The following PDE11A variants were observed in gnomAD, a reference collection of about 807,000 sequenced individuals.
The protein encoded by PDE11A is phosphodiesterase 11A, also known as dual 3',5'-cyclic-AMP and -GMP phosphodiesterase 11A.
PDE11A carries 100 observed loss-of-function variants against 100.5 expected under a neutral mutation model. That is an observed-to-expected ratio of 1.00 (90% CI 0.85 to 1.18). PDE11A has a LOEUF of 1.18. PDE11A is among the 50% of genes most tolerant of loss of function. PDE11A has a pLI of 0.00. For synonymous variants in PDE11A, 381 were observed against 420.8 expected (o/e 0.91, Z 1.16); for missense variants, 1,141 against 1,152.6 (o/e 0.99, Z 0.15).
chr2:177,855,723 G>A (rs1350335817), intron 5 of PDE11A, among the ~76,000 whole-genome samples: 1 of 151,836 alleles, frequency 6.6e-6, no homozygotes, highest in African/African-American at 2.4e-5. Context: ...TTACCCCCAG[G>A]GATATTTGTG....
intron 2 of PDE11A, among the ~76,000 whole-genome samples, chr2:177,968,907 C>T (rs2085732444): frequency 6.6e-6 from 1 of 152,198 alleles, no homozygotes; most frequent in South Asian, 2.1e-4. Context: ...ATCTGGCAAT[C>T]CCATTACTGG....
At chr2:177,922,184 G>T (rs934186387) in intron 2 of PDE11A, among the ~76,000 whole-genome samples, 2 of 152,106 alleles carry the variant, frequency 1.3e-5, no homozygotes, top group East Asian at 1.9e-4. Context: ...ACCTCTGCAT[G>T]CATGACTCTC....
At chr2:177,670,994 C>A (rs549165543) in intron 17 of PDE11A, among the ~76,000 whole-genome samples, 7 of 152,130 alleles carry the variant, frequency 4.6e-5, no homozygotes, top group Non-Finnish European at 8.8e-5. Context: ...CTCCTGCTAC[C>A]CTGCATTTCA....
At chr2:178,096,169 C>CTTTTTTT (rs71010857) in intron 2 of PDE11A, among the ~76,000 whole-genome samples, 4 of 120,090 alleles carry the variant, frequency 3.3e-5, no homozygotes, top group African/African-American at 6.5e-5. Context: ...CTTTTCTTTT[C>CTTTTTTT]TTTTTTTTTT....
chr2:177,738,160 C>T (rs1392894763), intron 10 of PDE11A, among the ~76,000 whole-genome samples: 1 of 152,034 alleles, frequency 6.6e-6, no homozygotes, highest in Non-Finnish European at 1.5e-5. Flanking sequence ...ATCAGTGGGG[C>T]AGTTTTTAGT....
At chr2:178,085,161 G>C (rs999587098) in intron 2 of PDE11A, among the ~76,000 whole-genome samples, 5 of 152,162 alleles carry the variant, frequency 3.3e-5, no homozygotes, top group African/African-American at 1.2e-4. Context: ...ACTATAGCAA[G>C]TCAACATACA....
At chr2:177,906,164 C>G (rs1265608559) in intron 2 of PDE11A, among the ~76,000 whole-genome samples, 1 of 144,436 alleles carries the variant, frequency 6.9e-6, no homozygotes, top group Non-Finnish European at 1.5e-5. Flanking sequence ...CTGTCTCTCT[C>G]TCACACACAC....
intron 19 of PDE11A, among the ~76,000 whole-genome samples, chr2:177,656,234 T>A (rs2105467179): frequency 6.6e-6 from 1 of 152,324 alleles, no homozygotes; most frequent in Admixed American, 6.5e-5. Flanking sequence ...GATTATAATA[T>A]CATATTTCTA....
intron 10 of PDE11A, among the ~76,000 whole-genome samples, chr2:177,730,408 T>G (rs1006550746): frequency 6.6e-6 from 1 of 152,192 alleles, no homozygotes; most frequent in Non-Finnish European, 1.5e-5. Flanking sequence ...TCTTTGAAGA[T>G]CTCTTCCTCT....
chr2:177,744,663 T>C (rs758591998), intron 10 of PDE11A, among the ~76,000 whole-genome samples: 107 of 152,298 alleles, frequency 7.0e-4, no homozygotes, highest in Non-Finnish European at 1.3e-3. Context: ...CTTTCCTACA[T>C]GTGAGAGGAT....
At chr2:177,709,189 C>A (rs17400512) in intron 13 of PDE11A, among the ~76,000 whole-genome samples, 25,754 of 152,180 alleles carry the variant, frequency 0.17, 2,357 homozygotes, top group Middle Eastern at 0.27. Context: ...AGCTAAGGAA[C>A]TGGAACACTA....
At chr2:178,005,181 G>A (rs2086191511) in intron 2 of PDE11A, among the ~76,000 whole-genome samples, 1 of 151,626 alleles carries the variant, frequency 6.6e-6, no homozygotes, top group African/African-American at 2.4e-5. Flanking sequence ...AGATTCTGTT[G>A]AAGAGTCAGT....
intron 6 of PDE11A, among the ~76,000 whole-genome samples, chr2:177,833,879 G>A (rs891798391): frequency 1.8e-4 from 28 of 152,356 alleles, no homozygotes; most frequent in African/African-American, 6.3e-4. Context: ...TACACCAGAT[G>A]TTTTGTGCAG....
intron 10 of PDE11A, among the ~76,000 whole-genome samples, chr2:177,733,592 T>TGGTA (rs1370517829): frequency 6.6e-6 from 1 of 152,136 alleles, no homozygotes; most frequent in Non-Finnish European, 1.5e-5. Context: ...ACAAAGTGGG[T>TGGTA]GGTAGTCCAG....
intron 2 of PDE11A, among the ~76,000 whole-genome samples, chr2:178,009,121 G>A (rs1054940880): frequency 3.3e-5 from 5 of 152,122 alleles, no homozygotes; most frequent in Admixed American, 6.5e-5. Context: ...TTATGCTGGC[G>A]TGCCCACACA....
chr2:177,664,115 A>G (rs917065187), intron 18 of PDE11A, among the ~76,000 whole-genome samples, 166 bp from the exon 19 acceptor site: 1 of 152,216 alleles, frequency 6.6e-6, no homozygotes, highest in African/African-American at 2.4e-5. Flanking sequence ...TATGATGAGA[A>G]ATAAAATGTT....
chr2:177,693,067 T>C (rs1324183826), intron 15 of PDE11A, among the ~76,000 whole-genome samples: 1 of 152,118 alleles, frequency 6.6e-6, no homozygotes, highest in Non-Finnish European at 1.5e-5. Flanking sequence ...GACTTTTAGG[T>C]TGAGTAGTCA....
chr2:177,979,573 C>T (rs976813886), intron 2 of PDE11A, among the ~76,000 whole-genome samples: 4 of 143,946 alleles, frequency 2.8e-5, no homozygotes, highest in Non-Finnish European at 6.1e-5. Context: ...TCTCTGACAG[C>T]TTTATTACTC....
At chr2:177,703,922 A>C (rs2081239361) in intron 13 of PDE11A, among the ~76,000 whole-genome samples, 1 of 152,184 alleles carries the variant, frequency 6.6e-6, no homozygotes. Context: ...GTATTTGTGC[A>C]AAGGCAGCCA....
Sources: gnomAD v4.1 joint callset for allele counts (sites outside exome capture counted in the v4.1 genomes callset) on GRCh38, gnomAD v4.1.1 for gene constraint, MANE v1.5 for transcripts, NCBI Gene and HGNC (gene_info 2026-07-23, HGNC 2026-07-21) for gene names.